The following RFX8 variants were observed in gnomAD, a reference collection of about 807,000 sequenced individuals.
RFX8 encodes DNA-binding protein RFX8.
RFX8 carries 46 observed loss-of-function variants against 54.6 expected under a neutral mutation model. That is an observed-to-expected ratio of 0.84 (90% CI 0.67 to 1.08). The LOEUF (loss-of-function observed/expected upper bound fraction) is 1.08, where lower values mean the gene tolerates loss of function less well. Ranked by LOEUF, RFX8 falls within the 50% of genes least tolerant of loss-of-function variation. RFX8 has a pLI of 0.00. For missense variants in RFX8, 536 were observed against 562.3 expected (o/e 0.95, Z 0.47); for synonymous variants, 192 against 209.5 (o/e 0.92, Z 0.72).
At chr2:101,466,230 A>C (rs1283518781) in intron 2 of RFX8, among the ~76,000 whole-genome samples, 1 of 151,330 alleles carries the variant, frequency 6.6e-6, no homozygotes, top group Non-Finnish European at 1.5e-5. Flanking sequence ...GCTCATTTGA[A>C]CCTGGGAGGT....
At chr2:101,421,292 A>G in intron 4 of RFX8, 1 of 987,064 alleles carries the variant, frequency 1.0e-6, no homozygotes, top group Non-Finnish European at 1.2e-6. Context: ...CAATTCTAGG[A>G]TTAAATCCAA....
intron 2 of RFX8, among the ~76,000 whole-genome samples, chr2:101,459,817 G>T (rs112496255): frequency 6.6e-6 from 1 of 152,232 alleles, no homozygotes; most frequent in Non-Finnish European, 1.5e-5. Flanking sequence ...GCTGCCTTTT[G>T]TTCAGCTATG....
At chr2:101,472,638 T>C (rs1333411407) in intron 1 of RFX8, among the ~76,000 whole-genome samples, 1 of 152,190 alleles carries the variant, frequency 6.6e-6, no homozygotes, top group Non-Finnish European at 1.5e-5. Context: ...GTAAGAAGAA[T>C]TGTCTTGGGT....
chr2:101,422,311 C>G (rs1017969047), intron 3 of RFX8, 51 bp downstream of exon 3: 1 of 897,394 alleles, frequency 1.1e-6, no homozygotes. Context: ...ATTTACTGCC[C>G]TAAGCATCAT....
At chr2:101,415,663 G>A (rs1686454071) in intron 6 of RFX8, among the ~76,000 whole-genome samples, 1 of 152,236 alleles carries the variant, frequency 6.6e-6, no homozygotes, top group African/African-American at 2.4e-5. Flanking sequence ...CACTCGTGCA[G>A]TGTTTGCTCA....
chr2:101,428,911 C>T, intron 2 of RFX8: 1 of 1,178,696 alleles, frequency 8.5e-7, no homozygotes, highest in Non-Finnish European at 1.2e-6. Flanking sequence ...ACTGGTATTG[C>T]TAGGTCTGGG....
intron 8 of RFX8, among the ~76,000 whole-genome samples, chr2:101,412,040 A>C (rs1249004113): frequency 6.6e-6 from 1 of 152,154 alleles, no homozygotes; most frequent in Non-Finnish European, 1.5e-5. Context: ...ATAGGAACTG[A>C]GCGGGCAGCT....
At chr2:101,469,003 C>T (rs11690642) in intron 1 of RFX8, among the ~76,000 whole-genome samples, 6,706 of 28,764 alleles carry the variant, frequency 0.23, 421 homozygotes, top group East Asian at 0.42. Flanking sequence ...TATATATATA[C>T]GTATATATAT....
intron 7 of RFX8, among the ~76,000 whole-genome samples, chr2:101,413,350 G>A (rs1410171347): frequency 2.0e-5 from 3 of 152,128 alleles, no homozygotes; most frequent in East Asian, 1.9e-4. Context: ...ATCGCCCCAC[G>A]CCCAAATGAC....
At chr2:101,452,149 A>C (rs1400107377) in intron 2 of RFX8, among the ~76,000 whole-genome samples, 1 of 152,214 alleles carries the variant, frequency 6.6e-6, no homozygotes, top group Non-Finnish European at 1.5e-5. Context: ...TAGAACAATA[A>C]AAATATATTG....
At chr2:101,422,218 A>T (rs1187006771) in intron 3 of RFX8, 144 bp downstream of exon 3, 1 of 607,312 alleles carries the variant, frequency 1.6e-6, no homozygotes, top group Non-Finnish European at 3.0e-6. Context: ...CAAGCCAGGG[A>T]AGGTTGCTGG....
intron 2 of RFX8, among the ~76,000 whole-genome samples, chr2:101,451,820 G>A (rs7598326): frequency 0.35 from 52,477 of 152,004 alleles, 9,746 homozygotes; most frequent in African/African-American, 0.44. Flanking sequence ...AAGGCCGGAC[G>A]TGGTGGCTCA....
Position 101,402,565 on chromosome 2 carries a change from ACAC to A in RFX8, c.1113_1115del (p.Cys372del). Reference sequence around the variant, plus strand: ...CCAGTGGCTCCATGCTGGGGCTGGCACACGCCTGCGACAGTGAGGAATTCAGAG... The same window carrying A: ...CCAGTGGCTCCATGCTGGGGCTGGCAGCCTGCGACAGTGAGGAATTCAGAG... On this transcript the variant is annotated inframe_deletion, in exon 11 of 12. Coordinates refer to ENST00000428343, the MANE Select transcript of RFX8 (RefSeq NM_001145664.2). 1 of 1,551,848 alleles carries A rather than the reference ACAC, an allele frequency of 6.4e-7. No individual in the cohort carries two copies. The highest frequency in any genetic ancestry group is 8.7e-7 in the Non-Finnish European group (1 of 1,147,022).
intron 2 of RFX8, among the ~76,000 whole-genome samples, chr2:101,465,436 G>C (rs1316111682): frequency 6.6e-6 from 1 of 152,184 alleles, no homozygotes; most frequent in African/African-American, 2.4e-5. Flanking sequence ...CTTGAACTCG[G>C]GAGGCGGAGG....
chr2:101,408,383 G>C (rs1685879082), intron 9 of RFX8, among the ~76,000 whole-genome samples: 1 of 152,076 alleles, frequency 6.6e-6, no homozygotes, highest in Admixed American at 6.5e-5. Context: ...TACTCGGGAG[G>C]CTGAGGCAGG....
intron 1 of RFX8, among the ~76,000 whole-genome samples, chr2:101,471,269 G>T (rs184537952): frequency 2.0e-5 from 3 of 152,128 alleles, no homozygotes; most frequent in Admixed American, 2.0e-4. Flanking sequence ...GGGAGGCAGA[G>T]GTTGCAGTGA....
At chr2:101,401,938 T>C (rs552181895) in intron 11 of RFX8, among the ~76,000 whole-genome samples, 3 of 152,328 alleles carry the variant, frequency 2.0e-5, no homozygotes, top group Non-Finnish European at 2.9e-5. Flanking sequence ...AAATATTCTA[T>C]AGGATGGCAT....
At chr2:101,437,500 C>T (rs1351621374) in intron 2 of RFX8, among the ~76,000 whole-genome samples, 1 of 151,846 alleles carries the variant, frequency 6.6e-6, no homozygotes, top group African/African-American at 2.4e-5. Flanking sequence ...ATCATTTGAG[C>T]CTAGGCGGTC....
intron 2 of RFX8, 99 bp from the exon 3 acceptor site, chr2:101,422,571 G>A: frequency 4.2e-6 from 3 of 719,842 alleles, no homozygotes; most frequent in South Asian, 1.7e-5. Flanking sequence ...TTAATATTGT[G>A]TATAACCTTT....
Sources: allele counts gnomAD v4.1 joint callset (sites outside exome capture counted in the v4.1 genomes callset), GRCh38; gene constraint gnomAD v4.1.1; transcripts MANE v1.5; gene names NCBI Gene and HGNC (gene_info 2026-07-23, HGNC 2026-07-21).